The following ATAD2B variants were observed in gnomAD, a reference collection of about 807,000 sequenced individuals.
ATAD2B encodes ATPase family AAA domain-containing protein 2B.
ATAD2B carries 40 observed loss-of-function variants against 167.6 expected under a neutral mutation model. The observed-to-expected ratio is 0.24, with a 90% CI of 0.19 to 0.31. ATAD2B has a LOEUF of 0.31. Ranked by LOEUF, ATAD2B falls within the 10% of genes least tolerant of loss-of-function variation. ATAD2B has a pLI of 1.00. For missense variants in ATAD2B, 1,242 were observed against 1,757.2 expected, an observed-to-expected ratio of 0.71 and a Z score of 5.24; for synonymous variants, 579 against 596.5, an observed-to-expected ratio of 0.97 and a Z score of 0.43.
At chr2:23,735,596 G>A in the ATAD2B span, among the ~76,000 whole-genome samples, 1 of 152,308 alleles carries the variant, frequency 6.6e-6, no homozygotes, top group South Asian at 2.1e-4. Context: ...AGCTGGCACA[G>A]AATTTCTTTC....
intron 12 of ATAD2B, among the ~76,000 whole-genome samples, chr2:23,858,429 C>G (rs893696274): frequency 6.6e-6 from 1 of 150,882 alleles, no homozygotes; most frequent in Non-Finnish European, 1.5e-5. Context: ...CCTACACATT[C>G]TTTTTATATA....
chr2:23,727,277 C>T, the ATAD2B span, among the ~76,000 whole-genome samples: 11 of 152,156 alleles, frequency 7.2e-5, no homozygotes, highest in East Asian at 1.3e-3. Flanking sequence ...AAGATCTAAC[C>T]AGACACCTTA....
chr2:23,866,529 T>G (rs904593476), intron 10 of ATAD2B, among the ~76,000 whole-genome samples: 1 of 151,638 alleles, frequency 6.6e-6, no homozygotes, highest in Non-Finnish European at 1.5e-5. Flanking sequence ...AAGAAAAAAA[T>G]TTTTTAAAGA....
the ATAD2B span, among the ~76,000 whole-genome samples, chr2:23,680,802 A>G: frequency 1.3e-5 from 2 of 151,884 alleles, no homozygotes; most frequent in Non-Finnish European, 2.9e-5. This position sits in a 1 kb window ranked among gnomAD's most constrained non-coding sequence, Gnocchi z 4.1. Context: ...TCTCTAGGCC[A>G]TCTTCTCCTG....
the ATAD2B span, among the ~76,000 whole-genome samples, chr2:23,699,752 C>A: frequency 6.6e-6 from 1 of 152,192 alleles, no homozygotes; most frequent in Non-Finnish European, 1.5e-5. Context: ...ACACACTGGC[C>A]CCACCACACG....
At chr2:23,795,918 C>A (rs1682545787) in intron 19 of ATAD2B, among the ~76,000 whole-genome samples, 1 of 151,624 alleles carries the variant, frequency 6.6e-6, no homozygotes, top group Non-Finnish European at 1.5e-5. Context: ...AGCAAGCATT[C>A]TAATGGTAGA....
chr2:23,701,314 A>G, the ATAD2B span, among the ~76,000 whole-genome samples: 2 of 152,144 alleles, frequency 1.3e-5, no homozygotes, highest in African/African-American at 2.4e-5. Context: ...GACTAGTCCA[A>G]CTAGTCTCCC....
In ATAD2B at chr2:23,760,697, T is replaced by TACACACACAC. The variant is rs367725351; in HGVS notation, c.3394+1511_3394+1512insGTGTGTGTGT. Among the ~76,000 whole-genome samples the TACACACACAC allele has an allele frequency of 7.9e-4, 93 of 118,068 alleles. 1 individual carries two copies. The highest frequency in any genetic ancestry group is 6.7e-4 in the East Asian group (3 of 4,450). 77.5% of individuals were successfully genotyped at this position (118,068 alleles called of 152,430 possible). ...AAAAAAAAATAAATAAATTTATATA[T>TACACACACAC]ATACACACACACACACACACACACA... On this transcript the variant is annotated intron_variant, in intron 24 of 27. Coordinates refer to ENST00000238789, the MANE Select transcript of ATAD2B (RefSeq NM_017552.4).
the ATAD2B span, among the ~76,000 whole-genome samples, chr2:23,683,094 C>G: frequency 1.3e-5 from 2 of 152,230 alleles, no homozygotes; most frequent in East Asian, 3.9e-4. Flanking sequence ...AGCAGAGGCT[C>G]AGAGAGACAA....
At position 23,831,136 on chromosome 2, in the gene ATAD2B, G is replaced by C. The variant is rs573648340; in HGVS notation, c.1729-2197C>G. Among the ~76,000 whole-genome samples the C allele has an allele frequency of 5.3e-5, 8 of 152,210 alleles. No individual in the cohort carries two copies. The South Asian group carries it at 1.5e-3, about 28-fold the overall frequency. On this transcript the variant is annotated intron_variant, in intron 14 of 27. Transcript: ENST00000238789. ...CTCTATATGGCAAACCGAATAGTAA[G>C]TCAAAGGGCTTCCTCTAATAGAAAG...
intron 1 of ATAD2B, among the ~76,000 whole-genome samples, chr2:23,918,278 G>A (rs1353500471): frequency 6.6e-6 from 1 of 151,606 alleles, no homozygotes; most frequent in African/African-American, 2.4e-5. Context: ...GGCTGTGATG[G>A]GAGAATCCAC....
At chr2:23,863,202 C>G (rs1694674707) in intron 12 of ATAD2B, among the ~76,000 whole-genome samples, 179 bp downstream of exon 12, 1 of 152,018 alleles carries the variant, frequency 6.6e-6, no homozygotes, top group African/African-American at 2.4e-5. Context: ...GCTACTGGGG[C>G]AAGGACTGAT....
chr2:23,757,771 G>A lies in ATAD2B; in HGVS notation c.3725C>T (p.Ser1242Phe). ...GGAACTGCTGCTGTTGACCAGTAGA[G>A]ATTCATTTGAACTTTCCTCCTCAGT... ...ASTEEESSNESLLVNSSSSLN... is the reference protein window; with the variant it reads ...ASTEEESSNEFLLVNSSSSLN... Residue 1242 changes from serine to phenylalanine, a missense_variant, in exon 25 of 28, where the codon TCT (serine) becomes TTT (phenylalanine). This residue lies in a region of ATAD2B where 282 missense variants were observed against 346.8 expected (regional missense o/e 0.81). Coordinates refer to ENST00000238789, the MANE Select transcript of ATAD2B (RefSeq NM_017552.4). 1.3e-6 allele frequency: 2 copies of A among 1,586,328 alleles called. No homozygotes were observed. Among genetic ancestry groups the A allele is most frequent in the Non-Finnish European group, 1.7e-6 (2 of 1,170,322 alleles).
At chr2:23,740,077 A>G in the ATAD2B span, among the ~76,000 whole-genome samples, 1 of 152,200 alleles carries the variant, frequency 6.6e-6, no homozygotes, top group Non-Finnish European at 1.5e-5. Context: ...CCAACCAAAA[A>G]AACTCCAGGA....
At chr2:23,874,193 AAAAAG>A (rs1001017744) in intron 8 of ATAD2B, among the ~76,000 whole-genome samples, 8 of 151,372 alleles carry the variant, frequency 5.3e-5, no homozygotes, top group African/African-American at 1.7e-4. Context: ...TCCCAAAAAA[AAAAAG>A]AAAAGAGCTT....
At chr2:23,794,030 T>C (rs1682223050) in intron 19 of ATAD2B, among the ~76,000 whole-genome samples, 1 of 152,238 alleles carries the variant, frequency 6.6e-6, no homozygotes, top group Admixed American at 6.5e-5. Flanking sequence ...ATCTTTTTTT[T>C]GAGACAGCGT....
chr2:23,796,207 G>A (rs1010456172), intron 19 of ATAD2B, among the ~76,000 whole-genome samples: 4 of 152,082 alleles, frequency 2.6e-5, no homozygotes, highest in African/African-American at 7.2e-5. Flanking sequence ...CGATATCCAC[G>A]ATAGCTTTAA....
At chr2:23,711,602 C>T in the ATAD2B span, among the ~76,000 whole-genome samples, 5 of 151,886 alleles carry the variant, frequency 3.3e-5, no homozygotes, top group Non-Finnish European at 5.9e-5. Context: ...AATTCCTGAC[C>T]TCAGGTGATC....
At chr2:23,756,865 T>A (rs1676010552) in intron 25 of ATAD2B, among the ~76,000 whole-genome samples, 1 of 152,190 alleles carries the variant, frequency 6.6e-6, no homozygotes, top group East Asian at 1.9e-4. Context: ...ACGACTTATT[T>A]AATCCTTGCA....
Sources: gnomAD v4.1 joint callset for allele counts (sites outside exome capture counted in the v4.1 genomes callset) on GRCh38, gnomAD v4.1.1 for gene constraint, gnomAD v4.1.1 regional missense constraint, Gnocchi (gnomAD v3.1) non-coding constraint, MANE v1.5 for transcripts, NCBI Gene and HGNC (gene_info 2026-07-23, HGNC 2026-07-21) for gene names.